The following ANKFN1 variants were observed in gnomAD, a reference collection of about 807,000 sequenced individuals.
ANKFN1 encodes the protein ankyrin repeat and fibronectin type-III domain-containing protein 1.
In ANKFN1, 74 loss-of-function variants were observed where a neutral mutation model predicts 108.7. The observed-to-expected ratio is 0.68, with a 90% CI of 0.56 to 0.83. The LOEUF (loss-of-function observed/expected upper bound fraction) is 0.83, where lower values mean the gene tolerates loss of function less well. ANKFN1 is among the 40% of genes least tolerant of loss of function. The pLI, the probability that ANKFN1 is intolerant of heterozygous loss-of-function variation, is 0.00. For missense variants in ANKFN1, 1,505 were observed against 1,382.3 expected (o/e 1.09, Z -1.41); for synonymous variants, 547 against 516.2 (o/e 1.06, Z -0.81).
intron 1 of ANKFN1, among the ~76,000 whole-genome samples, 120 bp from the exon 2 acceptor site, chr17:56,212,478 A>G (rs1915089595): frequency 2.0e-5 from 3 of 152,148 alleles, no homozygotes; most frequent in Non-Finnish European, 4.4e-5. Context: ...TATGTTCAAC[A>G]GGGATATTGG....
chr17:56,339,096 G>GT (rs1216115254), intron 4 of ANKFN1, among the ~76,000 whole-genome samples: 1 of 151,846 alleles, frequency 6.6e-6, no homozygotes, highest in African/African-American at 2.4e-5. Flanking sequence ...CTGAAAATTA[G>GT]TTTTTTTACT....
chr17:56,405,613 A>T (rs1320167231), intron 8 of ANKFN1, among the ~76,000 whole-genome samples: 1 of 152,210 alleles, frequency 6.6e-6, no homozygotes, highest in Non-Finnish European at 1.5e-5. Flanking sequence ...TTAAAAAGTA[A>T]ATTGCATCAA....
intron 3 of ANKFN1, among the ~76,000 whole-genome samples, chr17:56,240,794 T>C (rs1212834777): frequency 6.6e-6 from 1 of 152,152 alleles, no homozygotes; most frequent in Non-Finnish European, 1.5e-5. Context: ...TTGAGCATCT[T>C]TTAATATGTT....
chr17:56,188,665 G>C (rs56835207), intron 1 of ANKFN1, among the ~76,000 whole-genome samples: 5,746 of 140,878 alleles, frequency 0.041, 422 homozygotes, highest in African/African-American at 0.14. Flanking sequence ...CAGAGCTCTT[G>C]AAACACGTAT....
intron 3 of ANKFN1, among the ~76,000 whole-genome samples, chr17:56,238,376 G>A (rs1035960200): frequency 1.2e-4 from 19 of 152,098 alleles, no homozygotes; most frequent in African/African-American, 4.6e-4. Flanking sequence ...TCAGTGGAGT[G>A]TTGGAGTTTC....
At chr17:56,389,134 C>T (rs957422006) in intron 8 of ANKFN1, among the ~76,000 whole-genome samples, 6 of 152,052 alleles carry the variant, frequency 3.9e-5, no homozygotes, top group African/African-American at 1.5e-4. Flanking sequence ...AACTTTATAC[C>T]TAATAGCCAA....
At chr17:56,475,962 G>C (rs2145341672) in intron 15 of ANKFN1, among the ~76,000 whole-genome samples, 1 of 152,298 alleles carries the variant, frequency 6.6e-6, no homozygotes, top group South Asian at 2.1e-4. Context: ...ATGCCTGAGA[G>C]GCCTCAGTAA....
intron 8 of ANKFN1, among the ~76,000 whole-genome samples, chr17:56,392,189 T>A (rs2047460571): frequency 6.6e-6 from 1 of 152,150 alleles, no homozygotes; most frequent in African/African-American, 2.4e-5. Context: ...ACAAGGAGGT[T>A]AAGAAATTTG....
At position 56,094,544 on chromosome 17, in the gene ANKFN1, GCCA is replaced by G. The variant is rs1243672557; in HGVS notation, c.288+48220_288+48222del. Among the ~76,000 whole-genome samples, 3 of 133,808 alleles carry G rather than the reference GCCA, an allele frequency of 2.2e-5. No homozygotes were observed. The East Asian group carries it at 6.4e-4, about 28-fold the overall frequency. The allele number at this position is 133,808 out of a possible 152,430, so 87.8% of individuals were successfully genotyped here. On this transcript the variant is annotated intron_variant, in intron 4 of 12. Coordinates refer to the ANKFN1 transcript ENST00000635860. ...CGCCAGGCTGCCAGGCTGCCAGGCTGCCAGGCTGGAGTGCAGTGGCATGATCTC... is the reference window on the plus strand; with the variant it reads ...CGCCAGGCTGCCAGGCTGCCAGGCTGGGCTGGAGTGCAGTGGCATGATCTC...
chr17:56,465,091 CT>C (rs2050030801), intron 14 of ANKFN1, among the ~76,000 whole-genome samples: 2 of 152,118 alleles, frequency 1.3e-5, no homozygotes, highest in South Asian at 4.1e-4. Context: ...GCTTTCTTTT[CT>C]TTTCTTCCTT....
intron 8 of ANKFN1, among the ~76,000 whole-genome samples, chr17:56,381,661 C>T (rs2047108819): frequency 6.6e-6 from 1 of 152,062 alleles, no homozygotes; most frequent in Admixed American, 6.5e-5. Context: ...GGAGCCGATG[C>T]AATCAACTGG....
At chr17:56,179,193 A>G (rs1267829713) in intron 1 of ANKFN1, among the ~76,000 whole-genome samples, 2 of 152,216 alleles carry the variant, frequency 1.3e-5, no homozygotes, top group African/African-American at 2.4e-5. Flanking sequence ...TTTCATGATC[A>G]TAGGTCAAAT....
chr17:56,104,812 C>A (rs938756357), intron 4 of ANKFN1, among the ~76,000 whole-genome samples: 1 of 152,260 alleles, frequency 6.6e-6, no homozygotes, highest in East Asian at 1.9e-4. Context: ...TATTGTAAAT[C>A]TTTGCACAAT....
At chr17:56,504,552 C>T (rs1004459370) in intron 20 of ANKFN1, among the ~76,000 whole-genome samples, 2 of 152,140 alleles carry the variant, frequency 1.3e-5, no homozygotes, top group African/African-American at 4.8e-5. Flanking sequence ...TGAAGTATAT[C>T]TGATTACTGG....
intron 15 of ANKFN1, among the ~76,000 whole-genome samples, chr17:56,467,743 C>G (rs80102661): frequency 0.013 from 947 of 72,578 alleles, 27 homozygotes; most frequent in African/African-American, 0.057. Context: ...AAGAAAGAAA[C>G]AAAGAAAGAA....
At chr17:56,276,756 A>G (rs918048415) in intron 3 of ANKFN1, among the ~76,000 whole-genome samples, 7 of 152,166 alleles carry the variant, frequency 4.6e-5, no homozygotes, top group South Asian at 2.1e-4. Flanking sequence ...ATATTAGCTG[A>G]AAGGGAGTTT....
chr17:56,378,205 C>T (rs2046994501), intron 8 of ANKFN1, among the ~76,000 whole-genome samples: 2 of 152,166 alleles, frequency 1.3e-5, no homozygotes, highest in African/African-American at 4.8e-5. Context: ...GTTTCTTTCT[C>T]AGGAGAAGCA....
At chr17:56,144,062 A>G (rs1301554085) in intron 4 of ANKFN1, among the ~76,000 whole-genome samples, 1 of 149,658 alleles carries the variant, frequency 6.7e-6, no homozygotes, top group Non-Finnish European at 1.5e-5. Context: ...TTATCACAAG[A>G]GCTGTGTGCT....
chr17:56,076,788 T>G (rs150798995), intron 4 of ANKFN1, among the ~76,000 whole-genome samples: 2,792 of 152,206 alleles, frequency 0.018, 52 homozygotes, highest in Middle Eastern at 0.031. Context: ...ATGCAGGTAA[T>G]TTGGTGGAGA....
Sources: gnomAD v4.1 joint callset for allele counts (sites outside exome capture counted in the v4.1 genomes callset) on GRCh38, gnomAD v4.1.1 for gene constraint, MANE v1.5 for transcripts, NCBI Gene and HGNC (gene_info 2026-07-23, HGNC 2026-07-21) for gene names.